The following GNPTAB variants were observed in gnomAD, a reference collection of about 807,000 sequenced individuals.
The protein encoded by GNPTAB is N-acetylglucosamine-1-phosphotransferase subunits alpha/beta.
A neutral mutation model predicts 136.6 loss-of-function variants in GNPTAB; 92 were observed. The observed-to-expected ratio is 0.67, with a 90% CI of 0.57 to 0.80. GNPTAB has a LOEUF of 0.80. Among genes scored for constraint, GNPTAB ranks in the 30% least tolerant of loss-of-function variants. GNPTAB has a pLI of 0.00. For synonymous variants in GNPTAB, 512 were observed against 535.1 expected, an observed-to-expected ratio of 0.96 and a Z score of 0.60; for missense variants, 1,343 against 1,501.8, an observed-to-expected ratio of 0.89 and a Z score of 1.75.
At chr12:101,821,403 C>T (rs1397281466) in intron 1 of GNPTAB, among the ~76,000 whole-genome samples, 4 of 152,166 alleles carry the variant, frequency 2.6e-5, no homozygotes, top group African/African-American at 9.7e-5. Flanking sequence ...ACAGAAATAG[C>T]AAATAAGTTT....
chr12:101,747,242 C>T lies in GNPTAB; in HGVS notation c.3694-1G>A, dbSNP rs1297022622. 5.2e-6 allele frequency: 8 copies of T among 1,543,050 alleles called. No homozygotes were observed. Among genetic ancestry groups the T allele is most frequent in the Non-Finnish European group, 6.3e-6 (7 of 1,115,444 alleles). On this transcript the variant is annotated splice_acceptor_variant, in intron 20 of 20. Transcript: ENST00000299314. LOFTEE classifies it high-confidence loss of function. ...ATATCTTCCGCTTAAGTGCAATTAA[C>T]TAAATGATGAAAGACAGAAAATACA...
chr12:101,788,687 T>C, intron 3 of GNPTAB, 98 bp from the exon 4 acceptor site: 5 of 736,456 alleles, frequency 6.8e-6, no homozygotes, highest in South Asian at 4.4e-5. Flanking sequence ...TTTCATATTT[T>C]ATTAGTAAAA....
At position 101,764,797 on chromosome 12, in the gene GNPTAB, G is replaced by C; in HGVS notation, c.2120C>G (p.Ala707Gly). The C allele has an allele frequency of 6.2e-7, 1 of 1,614,206 alleles. No homozygotes were observed. Among genetic ancestry groups the C allele is most frequent in the Non-Finnish European group, 8.5e-7 (1 of 1,180,026 alleles). ...ATCCAAGGTATTGAGACTCAACTGG[G>C]CGTCTTTTGGAAGGAGTGAAATATT... The part of the protein sequence containing the change: ...LVNISLLPKD[A>G]QLSLNTLDLQ... The change falls in exon 13 of 21, where the codon GCC becomes GGC. Residue 707 changes from alanine (A) to glycine (G), a missense_variant. By Grantham distance (60) the Ala-to-Gly change is moderately conservative. Coordinates refer to ENST00000299314, the MANE Select transcript of GNPTAB (RefSeq NM_024312.5).
rs193297260 is a variant in GNPTAB, at chr12:101,796,853, G to T, written c.118-91C>A. The T allele has an allele frequency of 5.0e-5, 44 of 881,914 alleles. No individual in the cohort carries two copies. The East Asian group carries it at 9.9e-4, about 20-fold the overall frequency. The allele number at this position is 881,914 out of a possible 1,614,324, so 54.6% of individuals were successfully genotyped here. ...TTTTAATTTCATTAGAATTGCTAGA[G>T]AAATGGGTAAAGAAATCAAAATTCA... is the stretch of plus-strand genomic sequence containing the variant. On this transcript the variant is annotated intron_variant, in intron 1 of 20. Transcript: ENST00000299314.
intron 9 of GNPTAB, 59 bp downstream of exon 9, chr12:101,770,347 C>A: frequency 7.1e-7 from 1 of 1,416,468 alleles, no homozygotes; most frequent in Non-Finnish European, 1.0e-6. Flanking sequence ...AATCCCTGTA[C>A]CACACTAAAA....
chr12:101,809,667 A>G (rs2137173274), intron 1 of GNPTAB, among the ~76,000 whole-genome samples: 1 of 152,348 alleles, frequency 6.6e-6, no homozygotes, highest in East Asian at 1.9e-4. Flanking sequence ...GTTACATATT[A>G]TGTGATTCCA....
At chr12:101,765,934 A>T (rs1158915310) in intron 12 of GNPTAB, 157 bp downstream of exon 12, 1 of 707,838 alleles carries the variant, frequency 1.4e-6, no homozygotes, top group East Asian at 2.6e-5. Context: ...TCAGTGATTT[A>T]TGTTGTTCTC....
intron 18 of GNPTAB, chr12:101,756,435 T>C (rs1566068640): frequency 2.6e-6 from 1 of 381,130 alleles, no homozygotes; most frequent in South Asian, 1.9e-5. Flanking sequence ...TTTAGCTGGG[T>C]GCAGCAGCTC....
intron 19 of GNPTAB, among the ~76,000 whole-genome samples, chr12:101,752,621 T>C (rs1952837809): frequency 6.6e-6 from 1 of 152,232 alleles, no homozygotes; most frequent in Non-Finnish European, 1.5e-5. Flanking sequence ...CAAATTGCCC[T>C]GATCATTCCC....
chr12:101,755,869 G>A (rs1426865314), intron 18 of GNPTAB, among the ~76,000 whole-genome samples: 8 of 152,168 alleles, frequency 5.3e-5, no homozygotes, highest in Non-Finnish European at 1.2e-4. Flanking sequence ...GTCCCTTTAA[G>A]TACCATGAAA....
At chr12:101,784,178 A>G (rs746993830) in intron 5 of GNPTAB, among the ~76,000 whole-genome samples, 3 of 152,260 alleles carry the variant, frequency 2.0e-5, no homozygotes, top group African/African-American at 4.8e-5. Flanking sequence ...GAGTTAGATT[A>G]TAAGTATTAC....
intron 7 of GNPTAB, among the ~76,000 whole-genome samples, chr12:101,773,957 C>T (rs886108332): frequency 6.6e-6 from 1 of 152,180 alleles, no homozygotes; most frequent in Non-Finnish European, 1.5e-5. Flanking sequence ...AAGGGAACAA[C>T]TTCTATACCC....
intron 7 of GNPTAB, among the ~76,000 whole-genome samples, chr12:101,777,410 C>A (rs761247959): frequency 1.3e-5 from 2 of 152,186 alleles, no homozygotes; most frequent in Non-Finnish European, 2.9e-5. Context: ...ACAATCTCAT[C>A]CTCACCAAAA....
chr12:101,772,767 G>C (rs559044652), intron 7 of GNPTAB, among the ~76,000 whole-genome samples: 1 of 152,084 alleles, frequency 6.6e-6, no homozygotes, highest in Non-Finnish European at 1.5e-5. Flanking sequence ...GCATTTCTGA[G>C]GGCTCCCTGG....
chr12:101,828,731 G>C (rs1258364133), intron 1 of GNPTAB, among the ~76,000 whole-genome samples: 1 of 151,988 alleles, frequency 6.6e-6, no homozygotes, highest in Non-Finnish European at 1.5e-5. Flanking sequence ...GAGCCAGCCT[G>C]GCTTGGTTTG....
chr12:101,781,015 C>G (rs1013072521), intron 5 of GNPTAB, among the ~76,000 whole-genome samples: 8 of 152,072 alleles, frequency 5.3e-5, no homozygotes, highest in African/African-American at 1.4e-4. Flanking sequence ...CAAGGGTAAC[C>G]AAAGGGGCCC....
chr12:101,773,132 G>T, intron 7 of GNPTAB: 1 of 245,430 alleles, frequency 4.1e-6, no homozygotes, highest in South Asian at 4.1e-5. Context: ...TTTCTTGAGG[G>T]GAATCAGTGT....
rs11829494 is a variant in GNPTAB at position 101,796,179 on chromosome 12, C to T, written c.203+498G>A. On this transcript the variant is annotated intron_variant, in intron 2 of 20. Coordinates refer to ENST00000299314, the MANE Select transcript of GNPTAB (RefSeq NM_024312.5). ...TCACAGGACGCTGTCAACAGAATTC[C>T]GGCCAGGGCTCAGAAACCGCTGTGT... The T allele has an allele frequency of 6.0e-3, 4,196 of 699,934 alleles. 104 individuals carry two copies. Among genetic ancestry groups the T allele is most frequent in the African/African-American group, 0.055 (3,134 of 57,260 alleles). The allele number at this position is 699,934 out of a possible 1,614,324, so 43.4% of individuals were successfully genotyped here. A position where few individuals can be genotyped will look rare whatever the true frequency, so the allele number is the denominator to read the frequency against.
At chr12:101,756,997 A>C (rs748570858) in intron 18 of GNPTAB, 1 of 512,280 alleles carries the variant, frequency 2.0e-6, no homozygotes, top group Non-Finnish European at 3.4e-6. Context: ...TGTTATTAAT[A>C]GAACCCAGTT....
Sources: allele counts gnomAD v4.1 joint callset (sites outside exome capture counted in the v4.1 genomes callset), GRCh38; gene constraint gnomAD v4.1.1; transcripts MANE v1.5; gene names NCBI Gene and HGNC (gene_info 2026-07-23, HGNC 2026-07-21).